Variants in CCDC92B observed in about 807,000 individuals in gnomAD.
CCDC92B encodes the protein coiled-coil domain-containing 92B.
In CCDC92B, 2 loss-of-function variants were observed where a neutral mutation model predicts 5.6. The ratio of observed to expected loss-of-function variants is 0.36; its 90% CI spans 0.15 to 1.12. The LOEUF (loss-of-function observed/expected upper bound fraction) is 1.12, where lower values mean the gene tolerates loss of function less well. CCDC92B is among the 50% of genes most tolerant of loss of function. CCDC92B has a pLI of 0.40. For synonymous variants in CCDC92B, 115 were observed against 122.3 expected (o/e 0.94, Z 0.39); for missense variants, 271 against 262.2 (o/e 1.03, Z -0.23).
intron 2 of CCDC92B, among the ~76,000 whole-genome samples, chr17:2,731,936 G>A (rs1010235085): frequency 6.6e-6 from 1 of 152,234 alleles, no homozygotes; most frequent in African/African-American, 2.4e-5. Flanking sequence ...TCTCAGCTGG[G>A]CTATAGATGA....
chr17:2,733,346 G>A (rs1414533373), intron 2 of CCDC92B, among the ~76,000 whole-genome samples: 16 of 148,192 alleles, frequency 1.1e-4, no homozygotes, highest in Non-Finnish European at 2.2e-4. Context: ...CGCAACCTCC[G>A]CCTCCCAGGT....
intron 1 of CCDC92B, chr17:2,748,625 A>C: frequency 1.0e-6 from 1 of 983,078 alleles, no homozygotes; most frequent in Non-Finnish European, 1.2e-6. Flanking sequence ...TCTTGCAAGG[A>C]ACAGGCCCAC....
At position 2,730,485 on chromosome 17, in the gene CCDC92B, G is replaced by C; in HGVS notation, c.139C>G (p.His47Asp). The C allele has an allele frequency of 2.0e-6, 2 of 985,088 alleles. No individual in the cohort carries two copies. The highest frequency in any genetic ancestry group is 2.4e-6 in the Non-Finnish European group (2 of 830,316). The allele number at this position is 985,088 out of a possible 1,614,324, so 61.0% of individuals were successfully genotyped here. A position where few individuals can be genotyped will look rare whatever the true frequency, so the allele number is the denominator to read the frequency against. Reference protein sequence around the residue: ...RLQKRCSELTHDLEMREAQSH... With the variant: ...RLQKRCSELTDDLEMREAQSH... ...TGGGCCTCTCTCATTTCCAGGTCAT[G>C]GGTCAGTTCTGGGGGGAAAGAAAAG... The change falls in exon 3 of 4, where the codon CAT becomes GAT. Residue 47 changes from histidine (H) to aspartate (D), a missense_variant. His to Asp is a moderately conservative substitution (Grantham distance 81, BLOSUM62 -1). Transcript: ENST00000614400.
chr17:2,734,453 C>T (rs2070835300), intron 2 of CCDC92B, among the ~76,000 whole-genome samples: 1 of 151,594 alleles, frequency 6.6e-6, no homozygotes. Context: ...TGGGAACCTC[C>T]AGGATTTGGA....
intron 3 of CCDC92B, among the ~76,000 whole-genome samples, chr17:2,725,358 A>G (rs2070716151): frequency 6.6e-6 from 1 of 151,896 alleles, no homozygotes; most frequent in Non-Finnish European, 1.5e-5. Flanking sequence ...TCTCCAGCCT[A>G]GGTGACACAA....
chr17:2,740,864 G>A (rs1039025169), intron 1 of CCDC92B, among the ~76,000 whole-genome samples: 1 of 150,884 alleles, frequency 6.6e-6, no homozygotes, highest in African/African-American at 2.4e-5. Flanking sequence ...CTACTGGGAG[G>A]CTGAGGTGGG....
intron 1 of CCDC92B, among the ~76,000 whole-genome samples, chr17:2,746,205 C>A (rs963010622): frequency 3.3e-5 from 5 of 152,216 alleles, no homozygotes; most frequent in Admixed American, 2.6e-4. Context: ...TGGTCTCGAA[C>A]TCCTGACCTC....
In CCDC92B at chr17:2,733,538, C is replaced by T. The variant is rs570287594; in HGVS notation, c.130+1478G>A. Among the ~76,000 whole-genome samples the T allele has an allele frequency of 2.2e-4, 34 of 151,646 alleles. No homozygotes were observed. In the East Asian group the frequency reaches 5.7e-3, roughly 25 times the overall value. ...CCTCCCAAAGTGCTGGGATTACAGG[C>T]GTGAGCCACCGTGCCCAGCTCCTCT... On this transcript the variant is annotated intron_variant, in intron 2 of 3. Transcript: ENST00000614400.
chr17:2,748,506 TTGTGTGTGTGTGTGTGTGTGTG>T, intron 1 of CCDC92B: 1 of 971,486 alleles, frequency 1.0e-6, no homozygotes, highest in Middle Eastern at 5.3e-4. Flanking sequence ...TTCATCGTGT[TTGTGTGTGTGTGTGTGTGTGTG>T]TGTGTGTGTG....
chr17:2,740,451 C>G (rs2070913351), intron 1 of CCDC92B, among the ~76,000 whole-genome samples: 2 of 151,878 alleles, frequency 1.3e-5, no homozygotes, highest in Non-Finnish European at 2.9e-5. Flanking sequence ...CACTTGAGGT[C>G]AAGAGATCGA....
At chr17:2,746,778 C>T (rs2151746421) in intron 1 of CCDC92B, among the ~76,000 whole-genome samples, 1 of 152,224 alleles carries the variant, frequency 6.6e-6, no homozygotes, top group African/African-American at 2.4e-5. Context: ...TCAAGCAATT[C>T]TTCTGCCTCA....
intron 2 of CCDC92B, among the ~76,000 whole-genome samples, chr17:2,734,493 G>A (rs890409558): frequency 3.5e-5 from 3 of 86,752 alleles, no homozygotes; most frequent in African/African-American, 1.8e-4. Context: ...CCTAACCAGA[G>A]CTTTTTTTTT....
chr17:2,725,731 G>C (rs556968085), intron 3 of CCDC92B, among the ~76,000 whole-genome samples: 2 of 152,098 alleles, frequency 1.3e-5, no homozygotes, highest in South Asian at 4.2e-4. Context: ...GGTTGCAAAT[G>C]TGACATGTGG....
At chr17:2,731,908 G>A (rs187003056) in intron 2 of CCDC92B, among the ~76,000 whole-genome samples, 1 of 152,358 alleles carries the variant, frequency 6.6e-6, no homozygotes, top group East Asian at 1.9e-4. Flanking sequence ...ACAGGACTTG[G>A]GGGTAGGGAG....
In CCDC92B at chr17:2,735,025, G is replaced by A. The variant is rs903142319; in HGVS notation, c.121C>T (p.Arg41Cys). The change falls in exon 2 of 4, where the codon CGC becomes TGC. Residue 41 changes from arginine (R) to cysteine (C), a missense_variant. Transcript: ENST00000614400. Reference protein sequence around the residue: ...LHLEILRLQKRCSELTHDLEM... With the variant: ...LHLEILRLQKCCSELTHDLEM... ...CCTCTCCTGGCCTCACCTGAGCAGC[G>A]TTTCTGCAGCCTCAGGATCTCCAGG... 8.1e-6 allele frequency: 8 copies of A among 985,468 alleles called. No homozygotes were observed. Among genetic ancestry groups the A allele is most frequent in the African/African-American group, 1.7e-5 (1 of 57,244 alleles). The allele number at this position is 985,468 out of a possible 1,614,324, so 61.0% of individuals were successfully genotyped here.
chr17:2,748,170 A>G (rs760490181), intron 1 of CCDC92B: 11 of 539,126 alleles, frequency 2.0e-5, no homozygotes, highest in Admixed American at 1.6e-4. Flanking sequence ...TTTGGATTCT[A>G]TCTCTTGCTG....
At chr17:2,729,494 C>CAAAAAA (rs34350398) in intron 3 of CCDC92B, among the ~76,000 whole-genome samples, 1 of 114,266 alleles carries the variant, frequency 8.8e-6, no homozygotes, top group Non-Finnish European at 1.7e-5. Context: ...GACTCCGTCT[C>CAAAAAA]AAAAAAAAAA....
chr17:2,739,868 G>T (rs1376719759), intron 1 of CCDC92B, among the ~76,000 whole-genome samples: 2 of 152,000 alleles, frequency 1.3e-5, no homozygotes, highest in Non-Finnish European at 2.9e-5. Flanking sequence ...CTCATTTAGT[G>T]ATCTACTATT....
chr17:2,740,754 C>A (rs1206045486), intron 1 of CCDC92B, among the ~76,000 whole-genome samples: 1 of 151,944 alleles, frequency 6.6e-6, no homozygotes, highest in East Asian at 1.9e-4. Flanking sequence ...CGCAGTGGCT[C>A]ACACCTGTAA....
Sources: allele counts gnomAD v4.1 joint callset (sites outside exome capture counted in the v4.1 genomes callset), GRCh38; gene constraint gnomAD v4.1.1; transcripts MANE v1.5; gene names NCBI Gene and HGNC (gene_info 2026-07-23, HGNC 2026-07-21).